The following SNTG1 variants were observed in gnomAD, a reference collection of about 807,000 sequenced individuals.
The protein encoded by SNTG1 is gamma-1-syntrophin.
A neutral mutation model predicts 74.7 loss-of-function variants in SNTG1; 39 were observed. The ratio of observed to expected loss-of-function variants is 0.52; its 90% CI spans 0.40 to 0.68. The LOEUF (loss-of-function observed/expected upper bound fraction) is 0.68, where lower values mean the gene tolerates loss of function less well. Ranked by LOEUF, SNTG1 falls within the 30% of genes least tolerant of loss-of-function variation. The pLI, the probability that SNTG1 is intolerant of heterozygous loss-of-function variation, is 0.00. For synonymous variants in SNTG1, 254 were observed against 217.1 expected, an observed-to-expected ratio of 1.17 and a Z score of -1.49; for missense variants, 685 against 609.5, an observed-to-expected ratio of 1.12 and a Z score of -1.30.
At chr8:50,630,131 A>G (rs2094986625) in intron 13 of SNTG1, among the ~76,000 whole-genome samples, 1 of 152,200 alleles carries the variant, frequency 6.6e-6, no homozygotes, top group Admixed American at 6.6e-5. Context: ...GAAAACCTAA[A>G]TTATTTATAT....
At chr8:50,419,989 A>G (rs188986283) in intron 4 of SNTG1, among the ~76,000 whole-genome samples, 42 of 152,206 alleles carry the variant, frequency 2.8e-4, no homozygotes, top group African/African-American at 9.9e-4. Context: ...TGAAAAAAAA[A>G]CAGGGAAATT....
At chr8:50,259,515 AGAAAGAAAGAAAGAAAGAAAGAAAGAAAG>A (rs1563810317) in intron 2 of SNTG1, among the ~76,000 whole-genome samples, 12,696 of 37,322 alleles carry the variant, frequency 0.34, 3,272 homozygotes, top group Middle Eastern at 0.49. Context: ...AAAAAAAGAA[AGAAAGAAAGAAAGAAAGAAAGAAAGAAAG>A]AAAGAAAGAA....
intron 18 of SNTG1, among the ~76,000 whole-genome samples, chr8:50,779,037 G>T (rs925777392): frequency 8.6e-5 from 13 of 151,990 alleles, no homozygotes; most frequent in African/African-American, 2.4e-4. Context: ...ATTTCTGAGG[G>T]CTCTGTTGTG....
chr8:50,621,205 A>G (rs1222899917), intron 13 of SNTG1, among the ~76,000 whole-genome samples: 1 of 151,960 alleles, frequency 6.6e-6, no homozygotes, highest in Non-Finnish European at 1.5e-5. Context: ...TTGAGATGCC[A>G]CACTGGTCCT....
chr8:50,781,803 T>A (rs1284169939), intron 18 of SNTG1, among the ~76,000 whole-genome samples: 1 of 152,230 alleles, frequency 6.6e-6, no homozygotes. Flanking sequence ...CTAGCCTTGA[T>A]GGTCTTTACA....
chr8:50,394,947 G>A (rs1387895845), intron 3 of SNTG1, among the ~76,000 whole-genome samples: 4 of 142,734 alleles, frequency 2.8e-5, no homozygotes, highest in African/African-American at 1.0e-4. Context: ...TTTTATATTT[G>A]TTTAAAAGGT....
chr8:50,533,237 C>A (rs1340491828), intron 10 of SNTG1, among the ~76,000 whole-genome samples: 1 of 152,154 alleles, frequency 6.6e-6, no homozygotes, highest in South Asian at 2.1e-4. Flanking sequence ...AATCAGCCAA[C>A]CAGACTGAGA....
At chr8:50,598,663 G>T (rs950390271) in intron 13 of SNTG1, among the ~76,000 whole-genome samples, 5 of 151,778 alleles carry the variant, frequency 3.3e-5, no homozygotes, top group South Asian at 2.1e-4. Flanking sequence ...AGATGGCTTT[G>T]GTTAATATTG....
chr8:50,210,019 A>G lies in SNTG1; in HGVS notation c.-28+37384A>G, dbSNP rs566945146. On this transcript the variant is annotated intron_variant, in intron 2 of 18. Transcript: ENST00000642720. ...AATGGCTAACTAGAATAAACAGTGT[A>G]GAGAAGACCTTAAATGAACTCATGG... 4.9e-4 allele frequency among the ~76,000 whole-genome samples: 75 copies of G among 152,348 alleles called. 1 individual carries two copies. Among genetic ancestry groups the G allele is most frequent in the Middle Eastern group, 3.4e-3 (1 of 294 alleles).
At position 50,674,755 on chromosome 8, in the gene SNTG1, T is replaced by G. The variant is rs994441618; in HGVS notation, c.1038+16092T>G. The stretch of plus-strand genomic sequence containing the variant: ...CTCTCTAGCTCTTTTAATTGTGATG[T>G]TAGGGTGTAGATTTGAGATCTTTCT... On this transcript the variant is annotated intron_variant, in intron 15 of 18. Coordinates refer to ENST00000642720, the MANE Select transcript of SNTG1 (RefSeq NM_018967.5). Among the ~76,000 whole-genome samples the G allele has an allele frequency of 3.4e-4, 51 of 152,114 alleles. 1 individual carries two copies. Among genetic ancestry groups the G allele is most frequent in the Admixed American group, 3.3e-3 (51 of 15,242 alleles).
chr8:49,968,929 T>A (rs1811391212), intron 1 of SNTG1, among the ~76,000 whole-genome samples: 1 of 152,122 alleles, frequency 6.6e-6, no homozygotes, highest in African/African-American at 2.4e-5. Flanking sequence ...GAATAATATA[T>A]TTCAGGCTGC....
intron 12 of SNTG1, among the ~76,000 whole-genome samples, chr8:50,561,159 T>C (rs1330387499): frequency 6.6e-6 from 1 of 152,116 alleles, no homozygotes; most frequent in African/African-American, 2.4e-5. Flanking sequence ...GAGTGAGTTC[T>C]CATGAAAGCT....
intron 2 of SNTG1, among the ~76,000 whole-genome samples, chr8:50,342,005 A>G (rs2091331910): frequency 6.6e-6 from 1 of 152,016 alleles, no homozygotes; most frequent in East Asian, 1.9e-4. Flanking sequence ...GCTTTTCATC[A>G]TCATTTCATC....
intron 1 of SNTG1, among the ~76,000 whole-genome samples, chr8:50,027,613 G>T (rs964348217): frequency 2.6e-5 from 4 of 152,178 alleles, no homozygotes; most frequent in Non-Finnish European, 5.9e-5. Flanking sequence ...GCTAGAAAAG[G>T]CAAGGGGGCA....
Position 50,705,453 on chromosome 8 carries a change from T to C in SNTG1, c.1191+701T>C, listed in dbSNP as rs183167284. ...AAATCATAAAAGTAATACATCTGAT[T>C]AGAAATACAATATAGGAAATAGATT... On this transcript the variant is annotated intron_variant, in intron 16 of 18. Transcript: ENST00000642720. Among the ~76,000 whole-genome samples the C allele has an allele frequency of 9.0e-4, 137 of 152,346 alleles. 2 individuals are homozygous for C. Among genetic ancestry groups the C allele is most frequent in the Middle Eastern group, 6.8e-3 (2 of 294 alleles).
intron 1 of SNTG1, among the ~76,000 whole-genome samples, chr8:50,015,252 TAAG>T (rs1563474579): frequency 6.6e-6 from 1 of 152,040 alleles, no homozygotes; most frequent in Non-Finnish European, 1.5e-5. Context: ...ATATTTGGAA[TAAG>T]AAATCCACCA....
At chr8:50,624,143 C>T (rs2094941392) in intron 13 of SNTG1, among the ~76,000 whole-genome samples, 1 of 151,858 alleles carries the variant, frequency 6.6e-6, no homozygotes, top group Non-Finnish European at 1.5e-5. Flanking sequence ...TTTCTCATGG[C>T]TATGGTTATA....
At chr8:50,636,666 C>T (rs1320379996) in intron 13 of SNTG1, among the ~76,000 whole-genome samples, 2 of 152,126 alleles carry the variant, frequency 1.3e-5, no homozygotes, top group Non-Finnish European at 2.9e-5. Context: ...CTTAGTGAAA[C>T]AATTCAAGAT....
chr8:50,344,926 G>A (rs2091428747), intron 2 of SNTG1, among the ~76,000 whole-genome samples: 1 of 152,154 alleles, frequency 6.6e-6, no homozygotes, highest in Admixed American at 6.5e-5. Flanking sequence ...TCAGAGTGGT[G>A]TCTGACCTGA....
Sources: allele counts gnomAD v4.1 joint callset (sites outside exome capture counted in the v4.1 genomes callset), GRCh38; gene constraint gnomAD v4.1.1; transcripts MANE v1.5; gene names NCBI Gene and HGNC (gene_info 2026-07-23, HGNC 2026-07-21).